The following RHBDD1 variants were observed in gnomAD, a reference collection of about 807,000 sequenced individuals.
RHBDD1 encodes rhomboid domain containing 1, also known as rhomboid-related protein 4.
Under a neutral mutation model 36.3 loss-of-function variants are expected in RHBDD1, and 38 were observed. That is an observed-to-expected ratio of 1.05 (90% confidence interval 0.81 to 1.37). The LOEUF (loss-of-function observed/expected upper bound fraction) is 1.37. RHBDD1 is among the 40% of genes most tolerant of loss of function. The pLI, the probability that RHBDD1 is intolerant of heterozygous loss-of-function variation, is 0.00. For synonymous variants in RHBDD1, 151 were observed against 136.5 expected (o/e 1.11, Z -0.74); for missense variants, 393 against 377.6 (o/e 1.04, Z -0.34).
intron 5 of RHBDD1, among the ~76,000 whole-genome samples, chr2:226,877,951 G>T (rs1945386790): frequency 6.6e-6 from 1 of 151,940 alleles, no homozygotes; most frequent in African/African-American, 2.4e-5. Flanking sequence ...TGTGCCATTA[G>T]TGTAAATGTC....
chr2:226,832,297 T>G (rs1169185132), upstream of RHBDD1, among the ~76,000 whole-genome samples: 2 of 152,262 alleles, frequency 1.3e-5, no homozygotes, highest in East Asian at 3.8e-4. Flanking sequence ...TCCAAATTTC[T>G]TTCTATTGTC....
chr2:226,818,753 C>T, the RHBDD1 span, among the ~76,000 whole-genome samples: 2 of 151,824 alleles, frequency 1.3e-5, no homozygotes, highest in African/African-American at 4.8e-5. Flanking sequence ...GCAGGAGAAT[C>T]GCTTGAACCC....
intron 3 of RHBDD1, among the ~76,000 whole-genome samples, chr2:226,854,852 T>C (rs1463022925): frequency 6.6e-6 from 1 of 152,126 alleles, no homozygotes; most frequent in Admixed American, 6.6e-5. Context: ...CATAGTGAAA[T>C]TGGATTTTAA....
chr2:226,856,927 C>A (rs1943384823), intron 3 of RHBDD1, among the ~76,000 whole-genome samples: 1 of 152,034 alleles, frequency 6.6e-6, no homozygotes, highest in African/African-American at 2.4e-5. Flanking sequence ...CAATATTTTG[C>A]CATTGAAGTA....
At chr2:226,867,434 A>G (rs1005500653) in intron 5 of RHBDD1, 116 bp downstream of exon 5, 22 of 1,256,376 alleles carry the variant, frequency 1.8e-5, no homozygotes, top group South Asian at 1.1e-4. Flanking sequence ...TTCTTTATCT[A>G]TTAGGACAGA....
At chr2:226,994,495 TG>T (rs1160059724) in intron 8 of RHBDD1, among the ~76,000 whole-genome samples, 3 of 152,198 alleles carry the variant, frequency 2.0e-5, no homozygotes, top group Admixed American at 1.3e-4. Context: ...TTCTGGTTGA[TG>T]TAGGTGATGG....
the RHBDD1 span, among the ~76,000 whole-genome samples, chr2:226,809,324 GC>G: frequency 5.9e-5 from 9 of 152,154 alleles, no homozygotes; most frequent in Non-Finnish European, 1.2e-4. Flanking sequence ...ATAAGATCTA[GC>G]ATCATGTTTG....
At chr2:226,951,937 AGAG>A (rs1423942162) in intron 8 of RHBDD1, among the ~76,000 whole-genome samples, 5 of 152,258 alleles carry the variant, frequency 3.3e-5, no homozygotes, top group Non-Finnish European at 1.5e-5. Context: ...TTAAATAACT[AGAG>A]GAGATGTTTC....
intron 5 of RHBDD1, among the ~76,000 whole-genome samples, chr2:226,874,282 G>A (rs1420289275): frequency 6.6e-6 from 1 of 152,162 alleles, no homozygotes; most frequent in Non-Finnish European, 1.5e-5. Context: ...AGGTAGGGTT[G>A]GGGGACAAAG....
chr2:226,917,018 C>G (rs542095136), intron 8 of RHBDD1, among the ~76,000 whole-genome samples: 3 of 152,092 alleles, frequency 2.0e-5, no homozygotes, highest in African/African-American at 7.2e-5. Context: ...AATCTAGGTA[C>G]AAAGGAAGGG....
rs1251472251 is a variant in RHBDD1 at position 226,998,696 on chromosome 2, A to T, written c.*3174A>T. On this transcript the variant is annotated 3_prime_UTR_variant, in exon 9 of 9. Coordinates refer to ENST00000392062, the MANE Select transcript of RHBDD1 (RefSeq NM_001167608.3). ...ATACTTAACAATACCTCCTCACTCA[A>T]TTCTACATAACTCCAGCTTAGTCTT... The T allele has an allele frequency of 6.6e-6, 1 of 152,146 alleles. No individual in the cohort carries two copies. The highest frequency in any genetic ancestry group is 1.5e-5 in the Non-Finnish European group (1 of 68,026). The allele number at this position is 152,146 out of a possible 1,614,324, so 9.4% of individuals were successfully genotyped here.
intron 8 of RHBDD1, among the ~76,000 whole-genome samples, chr2:226,993,646 T>C (rs1958760839): frequency 6.6e-6 from 1 of 152,142 alleles, no homozygotes; most frequent in Non-Finnish European, 1.5e-5. Flanking sequence ...GTACCAGGGG[T>C]TGGGGAGGTA....
intron 8 of RHBDD1, among the ~76,000 whole-genome samples, chr2:226,963,250 G>T (rs1011112438): frequency 1.3e-5 from 2 of 152,100 alleles, no homozygotes; most frequent in African/African-American, 4.8e-5. Context: ...AATCAGTAAA[G>T]CACCTTTTCT....
chr2:226,819,588 G>A, the RHBDD1 span, among the ~76,000 whole-genome samples: 1 of 152,066 alleles, frequency 6.6e-6, no homozygotes, highest in African/African-American at 2.4e-5. Flanking sequence ...GGGTGTATGG[G>A]GAATCTCTGT....
At chr2:226,904,910 G>A (rs748969105) in intron 5 of RHBDD1, among the ~76,000 whole-genome samples, 82 of 152,274 alleles carry the variant, frequency 5.4e-4, no homozygotes, top group Non-Finnish European at 5.7e-4. Context: ...TGAACATCTA[G>A]TGGTTTTAAC....
chr2:226,838,378 C>T (rs4675101), intron 2 of RHBDD1, among the ~76,000 whole-genome samples: 28,354 of 152,080 alleles, frequency 0.19, 4,313 homozygotes, highest in African/African-American at 0.42. Context: ...TTGTTCTCCT[C>T]ATCGGAGAGG....
chr2:226,964,800 G>C (rs996701912), intron 8 of RHBDD1, among the ~76,000 whole-genome samples: 3 of 152,156 alleles, frequency 2.0e-5, no homozygotes, highest in African/African-American at 7.2e-5. Context: ...ATTAGTGAAA[G>C]CCACTGTTCT....
At chr2:226,834,095 A>C (rs1940810691), upstream of RHBDD1, among the ~76,000 whole-genome samples, 1 of 152,258 alleles carries the variant, frequency 6.6e-6, no homozygotes. Context: ...CATTTTAACG[A>C]AATTATTGAA....
chr2:226,859,339 C>T (rs893174323), intron 3 of RHBDD1, among the ~76,000 whole-genome samples: 2 of 152,106 alleles, frequency 1.3e-5, no homozygotes, highest in Non-Finnish European at 2.9e-5. Context: ...TACAATAAAA[C>T]AACTATTTGC....
Sources: gnomAD v4.1 joint callset for allele counts (sites outside exome capture counted in the v4.1 genomes callset) on GRCh38, gnomAD v4.1.1 for gene constraint, MANE v1.5 for transcripts, NCBI Gene and HGNC (gene_info 2026-07-23, HGNC 2026-07-21) for gene names.